The following FAM117B variants were observed in gnomAD, a reference collection of about 807,000 sequenced individuals.
FAM117B encodes the protein protein FAM117B.
Under a neutral mutation model 52.8 loss-of-function variants are expected in FAM117B, and 22 were observed. The observed-to-expected ratio is 0.42, with a 90% CI of 0.30 to 0.59. The LOEUF (loss-of-function observed/expected upper bound fraction) is 0.59. Among genes scored for constraint, FAM117B ranks in the 20% least tolerant of loss-of-function variants. The probability of loss-of-function intolerance (pLI) is 0.22; values close to 1 mark genes in which losing one functional copy is unlikely to be tolerated. For synonymous variants in FAM117B, 309 were observed against 324.1 expected (o/e 0.95, Z 0.50); for missense variants, 678 against 802.6 (o/e 0.84, Z 1.88).
chr2:202,636,316 T>G (rs1378045803), intron 1 of FAM117B, among the ~76,000 whole-genome samples: 1 of 152,198 alleles, frequency 6.6e-6, no homozygotes, highest in African/African-American at 2.4e-5. Flanking sequence ...AGAACCGTGT[T>G]TTAGCATTTC....
intron 1 of FAM117B, among the ~76,000 whole-genome samples, chr2:202,679,075 TG>T (rs1690424802): frequency 6.6e-6 from 1 of 152,222 alleles, no homozygotes; most frequent in African/African-American, 2.4e-5. Context: ...TATTTGGACA[TG>T]AAGAGACTTC....
intron 2 of FAM117B, among the ~76,000 whole-genome samples, chr2:202,700,039 G>A (rs1690774329): frequency 6.6e-6 from 1 of 152,196 alleles, no homozygotes; most frequent in African/African-American, 2.4e-5. Context: ...TGAATGTTGT[G>A]TGTATTCTGA....
intron 1 of FAM117B, among the ~76,000 whole-genome samples, chr2:202,680,318 TA>T (rs1690443309): frequency 6.6e-6 from 1 of 152,110 alleles, no homozygotes; most frequent in Non-Finnish European, 1.5e-5. Context: ...TACCTAATGC[TA>T]AATGACGAGT....
At chr2:202,720,417 G>A (rs2105785479) in intron 2 of FAM117B, among the ~76,000 whole-genome samples, 1 of 140,240 alleles carries the variant, frequency 7.1e-6, no homozygotes, top group East Asian at 1.9e-4. Context: ...GTGTGTGTGT[G>A]TGTGTGTGTG....
chr2:202,759,085 T>C, intron 6 of FAM117B, 148 bp from the exon 7 acceptor site: 1 of 790,356 alleles, frequency 1.3e-6, no homozygotes, highest in Non-Finnish European at 2.0e-6. Context: ...TATTTGTGTG[T>C]GCATTTATTT....
At chr2:202,677,630 C>G (rs1310625955) in intron 1 of FAM117B, among the ~76,000 whole-genome samples, 1 of 152,190 alleles carries the variant, frequency 6.6e-6, no homozygotes. Context: ...GGCTCTGTCT[C>G]TTACAAACTA....
chr2:202,670,776 A>T (rs1690286151), intron 1 of FAM117B, among the ~76,000 whole-genome samples: 2 of 152,200 alleles, frequency 1.3e-5, no homozygotes, highest in African/African-American at 4.8e-5. Flanking sequence ...CTGCATCCAG[A>T]AGAATGAATT....
At position 202,695,921 on chromosome 2, in the gene FAM117B, T is replaced by C; in HGVS notation, c.642T>C (p.Ile214=). Residue 214 remains isoleucine, a synonymous_variant, in exon 2 of 8, where the codon ATT becomes ATC. Transcript: ENST00000392238. The stretch of plus-strand genomic sequence containing the variant: ...AGCCTTCTTCAAGCCCCTCCAGTAT[T>C]ATCCGACGCACTTCCTCCCTGGATA... ...TRQPSSSPSS[I]IRRTSSLDTL... The C allele has an allele frequency of 6.2e-7, 1 of 1,613,084 alleles. No individual in the cohort carries two copies. The highest frequency in any genetic ancestry group is 8.5e-7 in the Non-Finnish European group (1 of 1,179,490).
At chr2:202,755,088 C>T (rs1249888478) in intron 4 of FAM117B, among the ~76,000 whole-genome samples, 5 of 151,886 alleles carry the variant, frequency 3.3e-5, no homozygotes, top group Non-Finnish European at 5.9e-5. Context: ...CACCTTTAAA[C>T]AACCAGATTT....
intron 1 of FAM117B, among the ~76,000 whole-genome samples, chr2:202,667,250 G>GC (rs1372223523): frequency 1.3e-5 from 2 of 151,958 alleles, no homozygotes; most frequent in Non-Finnish European, 2.9e-5. Context: ...ACAGGCACGT[G>GC]CCACCATACC....
chr2:202,759,239 G>A lies in FAM117B; in HGVS notation c.1337G>A (p.Gly446Glu). 6.2e-7 allele frequency: 1 copy of A among 1,613,836 alleles called. No individual in the cohort carries two copies. Among genetic ancestry groups the A allele is most frequent in the Admixed American group, 1.7e-5 (1 of 59,976 alleles). The change falls in exon 7 of 8, where the codon GGG becomes GAG. Residue 446 changes from glycine to glutamate, a missense_variant. Coordinates refer to ENST00000392238, the MANE Select transcript of FAM117B (RefSeq NM_173511.4). ...LLVDPRDKEN[G>E]NNSPLPKYAT... ...AATGTGTCATTTCTTGCAGAGAATG[G>A]GAACAATTCTCCTTTGCCCAAATAT...
chr2:202,651,524 G>A (rs530468046), intron 1 of FAM117B, among the ~76,000 whole-genome samples: 2 of 149,916 alleles, frequency 1.3e-5, no homozygotes, highest in South Asian at 2.1e-4. Context: ...AGTCGCTCAC[G>A]ACCATGCCTG....
intron 2 of FAM117B, among the ~76,000 whole-genome samples, chr2:202,704,864 G>A (rs1318992600): frequency 6.6e-6 from 1 of 151,946 alleles, no homozygotes. Context: ...GCCTCCCAAA[G>A]TGCTGGTGTA....
At position 202,759,363 on chromosome 2, in the gene FAM117B, C is replaced by G; in HGVS notation, c.1451+10C>G. The G allele has an allele frequency of 1.3e-6, 2 of 1,593,780 alleles. No individual in the cohort carries two copies. Among genetic ancestry groups the G allele is most frequent in the Non-Finnish European group, 1.7e-6 (2 of 1,174,370 alleles). ...TCTTTGAGGAATGCTCGTAAGTATC[C>G]CTTCCACCATCCCCACAAAAAAACT... On this transcript the variant is annotated intron_variant, in intron 7 of 7. Transcript: ENST00000392238.
intron 1 of FAM117B, among the ~76,000 whole-genome samples, chr2:202,648,249 C>T (rs1270890581): frequency 6.6e-6 from 1 of 152,116 alleles, no homozygotes; most frequent in East Asian, 1.9e-4. Flanking sequence ...TTGGCTCATG[C>T]CTTTAATCCT....
rs867962461 is a variant in FAM117B at position 202,654,066 on chromosome 2, A to T, written c.601+18278A>T. ...GGGGTGCGGGAAGAGAGTGAGTGAG[A>T]GAGAGAGAGAGAGAGAGAGAGAGAG... On this transcript the variant is annotated intron_variant, in intron 1 of 7. Transcript: ENST00000392238. Among the ~76,000 whole-genome samples the T allele has an allele frequency of 5.1e-3, 545 of 107,866 alleles. 1 individual carries two copies. The highest frequency in any genetic ancestry group is 6.9e-3 in the Non-Finnish European group (426 of 61,360). The allele number at this position is 107,866 out of a possible 152,430, so 70.8% of individuals were successfully genotyped here.
chr2:202,639,976 T>TA (rs528697275), intron 1 of FAM117B, among the ~76,000 whole-genome samples: 7 of 151,684 alleles, frequency 4.6e-5, no homozygotes, highest in African/African-American at 1.4e-4. Context: ...TGTGGTATAA[T>TA]AAAAAAAATT....
intron 4 of FAM117B, among the ~76,000 whole-genome samples, chr2:202,732,046 C>CT (rs758181285): frequency 0.023 from 3,131 of 134,948 alleles, 66 homozygotes; most frequent in South Asian, 0.067. Flanking sequence ...ATTTATTTTT[C>CT]TTTTTTTTTT....
chr2:202,744,976 CA>C (rs58898446), intron 4 of FAM117B, among the ~76,000 whole-genome samples: 1,462 of 59,272 alleles, frequency 0.025, 8 homozygotes, highest in Middle Eastern at 0.068. Flanking sequence ...GACTCTGTCT[CA>C]AAAAAAAAAA....
Sources: allele counts gnomAD v4.1 joint callset (sites outside exome capture counted in the v4.1 genomes callset), GRCh38; gene constraint gnomAD v4.1.1; transcripts MANE v1.5; gene names NCBI Gene and HGNC (gene_info 2026-07-23, HGNC 2026-07-21).